The following FBXW10 variants were observed in gnomAD, a reference collection of about 807,000 sequenced individuals.
FBXW10 encodes F-box/WD repeat-containing protein 10.
A neutral mutation model predicts 113.1 loss-of-function variants in FBXW10; 68 were observed. That is an observed-to-expected ratio of 0.60 (90% CI 0.49 to 0.74). The LOEUF (loss-of-function observed/expected upper bound fraction) is 0.74, where lower values mean the gene tolerates loss of function less well. Among genes scored for constraint, FBXW10 ranks in the 30% least tolerant of loss-of-function variants. The probability of loss-of-function intolerance (pLI) is 0.00; values close to 1 mark genes in which losing one functional copy is unlikely to be tolerated. For synonymous variants in FBXW10, 289 were observed against 481.6 expected, an observed-to-expected ratio of 0.60 and a Z score of 5.24; for missense variants, 753 against 1,284.5, an observed-to-expected ratio of 0.59 and a Z score of 6.32.
In FBXW10 at chr17:18,778,848, A is replaced by T. The variant is rs1357688845; in HGVS notation, c.2709A>T (p.Arg903Ser). ...TGAAGATCTCTTTGCACAGTCCTAG[A>T]GTCCAGTCCACCATACCCCAGCCCA... ...PNLKISLHSP[R>S]VQSTIPQPMI... Residue 903 changes from arginine (R) to serine (S), a missense_variant, in exon 14 of 14, where the codon AGA (arginine) becomes AGT (serine). Physicochemically the swap from Arg to Ser is moderately radical, Grantham distance 110 (BLOSUM62 -1). Transcript: ENST00000395665. The T allele has an allele frequency of 1.2e-6, 2 of 1,613,864 alleles. No individual in the cohort carries two copies. The highest frequency in any genetic ancestry group is 2.7e-5 in the African/African-American group (2 of 74,910).
chr17:18,749,080 A>G (rs926062764), intron 2 of FBXW10, among the ~76,000 whole-genome samples: 4 of 152,282 alleles, frequency 2.6e-5, no homozygotes, highest in African/African-American at 4.8e-5. Flanking sequence ...ACACTTTACC[A>G]ATTTTATTCC....
intron 7 of FBXW10, among the ~76,000 whole-genome samples, chr17:18,760,408 G>A (rs566266027): frequency 7.2e-5 from 11 of 152,244 alleles, no homozygotes; most frequent in African/African-American, 2.4e-4. Context: ...GAGAGCCAAC[G>A]GTGCAGATGA....
chr17:18,777,935 C>G (rs1363338920), intron 13 of FBXW10, among the ~76,000 whole-genome samples: 3 of 151,880 alleles, frequency 2.0e-5, no homozygotes, highest in South Asian at 4.1e-4. Context: ...ACTCTTTACT[C>G]AATACTAGCA....
chr17:18,770,563 A>G (rs1401172125), intron 11 of FBXW10, among the ~76,000 whole-genome samples: 2 of 151,776 alleles, frequency 1.3e-5, no homozygotes, highest in African/African-American at 2.4e-5. Flanking sequence ...CGGCCTTCCA[A>G]AGCGCTGGGA....
chr17:18,754,799 TG>T (rs1023145836), intron 5 of FBXW10, among the ~76,000 whole-genome samples: 19 of 152,024 alleles, frequency 1.2e-4, no homozygotes, highest in Non-Finnish European at 5.9e-5. Flanking sequence ...AAAGAAAGAT[TG>T]GGAAGCAAAT....
chr17:18,748,062 A>G lies in FBXW10; in HGVS notation c.627A>G (p.Lys209=). The G allele has an allele frequency of 3.1e-6, 5 of 1,613,858 alleles. No individual in the cohort carries two copies. The highest frequency in any genetic ancestry group is 3.4e-6 in the Non-Finnish European group (4 of 1,179,848). ...AGCACACATCCCTTCCTTTGTCCAA[A>G]GCCCCAGAAAATGAACACTTGCTTG... ...KTQHTSLPLS[K]APENEHLLGA... Residue 209 remains lysine, a synonymous_variant, in exon 2 of 14, where the codon AAA becomes AAG. Coordinates refer to ENST00000395665, the MANE Select transcript of FBXW10 (RefSeq NM_001267585.2).
In FBXW10 at chr17:18,752,913, T is replaced by A. The variant is rs150284688; in HGVS notation, c.1122+1860T>A. Among the ~76,000 whole-genome samples the A allele has an allele frequency of 2.5e-3, 385 of 152,262 alleles. 2 individuals are homozygous for A. The highest frequency in any genetic ancestry group is 8.7e-3 in the African/African-American group (362 of 41,546). ...TTCAAGTCTGTTGCTCTTTTAAGTATAACACAAAGAATACCCTTCTTCCTT... is the reference window on the plus strand; with the variant it reads ...TTCAAGTCTGTTGCTCTTTTAAGTAAAACACAAAGAATACCCTTCTTCCTT... On this transcript the variant is annotated intron_variant, in intron 5 of 13. Transcript: ENST00000395665.
chr17:18,761,951 GTTTTTCTTTTTC>G (rs560545599), intron 7 of FBXW10, among the ~76,000 whole-genome samples: 1 of 151,646 alleles, frequency 6.6e-6, no homozygotes, highest in Non-Finnish European at 1.5e-5. Flanking sequence ...TTCATAATTG[GTTTTTCTTTTTC>G]TTTTTCTTTT....
intron 13 of FBXW10, among the ~76,000 whole-genome samples, chr17:18,775,619 G>C (rs1049536311): frequency 6.6e-6 from 1 of 152,190 alleles, no homozygotes; most frequent in Non-Finnish European, 1.5e-5. Flanking sequence ...AGTTGAGGCT[G>C]GTTTCAGAGA....
rs1567613147 is a variant in FBXW10 at position 18,744,657 on chromosome 17, T to C, written c.413T>C (p.Leu138Pro). The change falls in exon 1 of 14, where the codon CTC (leucine) becomes CCC (proline). Residue 138 changes from leucine (L) to proline (P), a missense_variant. By Grantham distance (98) the Leu-to-Pro change is moderately conservative. Coordinates refer to ENST00000395665, the MANE Select transcript of FBXW10 (RefSeq NM_001267585.2). ...STQWTKANYT[L>P]LLLQMCNPKL... ...CAGTGGACCAAGGCGAATTATACTCTCTTACTGCTGCAGATGTGCAACCCC... is the reference window on the plus strand; with the variant it reads ...CAGTGGACCAAGGCGAATTATACTCCCTTACTGCTGCAGATGTGCAACCCC... 6.2e-7 allele frequency: 1 copy of C among 1,613,928 alleles called. No homozygotes were observed. The highest frequency in any genetic ancestry group is 8.5e-7 in the Non-Finnish European group (1 of 1,179,856).
intron 2 of FBXW10, among the ~76,000 whole-genome samples, chr17:18,748,408 C>CAAAAAAAAA (rs57336039): frequency 7.6e-4 from 39 of 51,392 alleles, no homozygotes; most frequent in African/African-American, 1.7e-3. Context: ...GAGACTGTCT[C>CAAAAAAAAA]AAAAAAAAAA....
chr17:18,762,629 T>C (rs1381652270), intron 7 of FBXW10, among the ~76,000 whole-genome samples: 1 of 152,020 alleles, frequency 6.6e-6, no homozygotes, highest in Non-Finnish European at 1.5e-5. Context: ...GCCGACAATA[T>C]ATTATCTTCT....
intron 1 of FBXW10, 40 bp from the exon 2 acceptor site, chr17:18,747,901 C>G (rs748374907): frequency 6.2e-7 from 1 of 1,613,554 alleles, no homozygotes; most frequent in African/African-American, 1.3e-5. Flanking sequence ...TCAACACACC[C>G]GCTTCAAGAG....
Position 18,755,968 on chromosome 17 carries a change from G to C in FBXW10, c.1123-77G>C, listed in dbSNP as rs1341501255. 5 of 1,410,788 alleles carry C rather than the reference G, an allele frequency of 3.5e-6. No individual in the cohort carries two copies. The Admixed American group carries it at 9.7e-5, about 27-fold the overall frequency. The allele number at this position is 1,410,788 out of a possible 1,614,324, so 87.4% of individuals were successfully genotyped here. A position where few individuals can be genotyped will look rare whatever the true frequency, so the allele number is the denominator to read the frequency against. On this transcript the variant is annotated intron_variant, in intron 5 of 13. Transcript: ENST00000395665. The stretch of plus-strand genomic sequence containing the variant: ...ATCCGTGAGCCCTGTGCCCTTACCA[G>C]GGAGACCCTAGGGGCTCTGGGACTG...
Position 18,749,886 on chromosome 17 carries a change from C to T in FBXW10, c.835C>T (p.Arg279Cys), listed in dbSNP as rs368213609. The change falls in exon 3 of 14, where the codon CGT becomes TGT. Residue 279 changes from arginine (R) to cysteine (C), a missense_variant. Coordinates refer to ENST00000395665, the MANE Select transcript of FBXW10 (RefSeq NM_001267585.2). The stretch of plus-strand genomic sequence containing the variant: ...GTTCAGCAAATACCGAGACTTCATC[C>T]GTTACCTGCCCATCCACCTCTCCAA... ...SGFSKYRDFI[R>C]YLPIHLSKYI... 8.2e-5 allele frequency: 133 copies of T among 1,613,834 alleles called. No homozygotes were observed. Among genetic ancestry groups the T allele is most frequent in the Non-Finnish European group, 1.0e-4 (121 of 1,179,954 alleles).
chr17:18,765,778 G>A (rs1279097126), intron 8 of FBXW10, among the ~76,000 whole-genome samples: 2 of 151,970 alleles, frequency 1.3e-5, no homozygotes, highest in East Asian at 3.9e-4. Context: ...CCAGGTTAGA[G>A]TGCAGTGGCA....
At chr17:18,749,624 G>T (rs1165953913) in intron 2 of FBXW10, 98 bp from the exon 3 acceptor site, 2 of 1,552,220 alleles carry the variant, frequency 1.3e-6, no homozygotes, top group East Asian at 2.2e-5. Flanking sequence ...GTCTGAGGAG[G>T]TTTATTTTCT....
chr17:18,777,032 G>A (rs1386554757), intron 13 of FBXW10, among the ~76,000 whole-genome samples: 1 of 150,566 alleles, frequency 6.6e-6, no homozygotes, highest in African/African-American at 2.4e-5. Flanking sequence ...AAGGAGAATA[G>A]GGAAGATTTT....
At chr17:18,755,187 C>T (rs375247688) in intron 5 of FBXW10, among the ~76,000 whole-genome samples, 2 of 152,076 alleles carry the variant, frequency 1.3e-5, no homozygotes, top group Admixed American at 6.5e-5. Flanking sequence ...TGCCTGAACT[C>T]GGGAGGCGGA....
Sources: gnomAD v4.1 joint callset for allele counts (sites outside exome capture counted in the v4.1 genomes callset) on GRCh38, gnomAD v4.1.1 for gene constraint, MANE v1.5 for transcripts, NCBI Gene and HGNC (gene_info 2026-07-23, HGNC 2026-07-21) for gene names.